The following UBR1 variants were observed in gnomAD, a reference collection of about 807,000 sequenced individuals.
UBR1 encodes E3 ubiquitin-protein ligase UBR1.
In UBR1, 102 loss-of-function variants were observed where a neutral mutation model predicts 242.1. The observed-to-expected ratio is 0.42, with a 90% confidence interval of 0.36 to 0.50. The LOEUF (loss-of-function observed/expected upper bound fraction) is 0.50. Ranked by LOEUF, UBR1 falls within the 20% of genes least tolerant of loss-of-function variation. The pLI, the probability that UBR1 is intolerant of heterozygous loss-of-function variation, is 0.01. For synonymous variants in UBR1, 675 were observed against 684.8 expected (o/e 0.99, Z 0.22); for missense variants, 1,772 against 2,101.8 (o/e 0.84, Z 3.07).
intron 1 of UBR1, among the ~76,000 whole-genome samples, chr15:43,088,887 C>T (rs1314820715): frequency 6.6e-6 from 1 of 151,918 alleles, no homozygotes; most frequent in Non-Finnish European, 1.5e-5. Context: ...GGCTGGTGCA[C>T]ATGGTGGCTC....
chr15:43,007,043 A>C (rs769998413), intron 30 of UBR1, 36 bp downstream of exon 30: 1 of 1,604,364 alleles, frequency 6.2e-7, no homozygotes, highest in Non-Finnish European at 8.5e-7. Flanking sequence ...GCATGAAAAG[A>C]AATGCACAAA....
intron 16 of UBR1, 137 bp downstream of exon 16, chr15:43,038,034 G>T: frequency 1.7e-6 from 2 of 1,204,526 alleles, no homozygotes; most frequent in Non-Finnish European, 2.4e-6. Flanking sequence ...AGATTACAAT[G>T]TACTATATGA....
At chr15:42,950,942 A>T (rs748104305) in intron 45 of UBR1, among the ~76,000 whole-genome samples, 1 of 152,254 alleles carries the variant, frequency 6.6e-6, no homozygotes, top group Non-Finnish European at 1.5e-5. Flanking sequence ...AGTACTTTAC[A>T]GATAAATTAT....
intron 5 of UBR1, among the ~76,000 whole-genome samples, chr15:43,068,430 G>A (rs1044161864): frequency 1.3e-5 from 2 of 151,832 alleles, no homozygotes; most frequent in African/African-American, 2.4e-5. Flanking sequence ...CAAGCAATCC[G>A]CCTGTTTTGA....
intron 46 of UBR1, among the ~76,000 whole-genome samples, chr15:42,946,741 A>G (rs1057432660): frequency 2.6e-5 from 4 of 152,220 alleles, no homozygotes; most frequent in Admixed American, 6.5e-5. Context: ...CCTCATTTTC[A>G]TAAGTCATCA....
In UBR1 at chr15:42,988,853, G is replaced by A. The variant is rs762775041; in HGVS notation, c.3963C>T (p.Thr1321=). The A allele has an allele frequency of 1.2e-6, 2 of 1,614,074 alleles. No homozygotes were observed. The highest frequency in any genetic ancestry group is 4.5e-5 in the East Asian group (2 of 44,892). Residue 1321 remains threonine, a synonymous_variant, in exon 35 of 47, where the codon ACC becomes ACT. Transcript: ENST00000290650. ...DERDPRVPML[T]WSTCAFTIQA... is the part of the protein sequence containing the mutation. ...GGATAGTGAAAGCGCAGGTGCTCCAGGTCAGCATGGGGACTCGAGGATCCC... is the reference window on the plus strand; with the variant it reads ...GGATAGTGAAAGCGCAGGTGCTCCAAGTCAGCATGGGGACTCGAGGATCCC...
chr15:42,978,623 T>C (rs2141268264), intron 37 of UBR1, among the ~76,000 whole-genome samples: 1 of 152,340 alleles, frequency 6.6e-6, no homozygotes, highest in African/African-American at 2.4e-5. Flanking sequence ...TAGGTATTGG[T>C]TCTGAACTCT....
chr15:42,988,265 A>ATG (rs1491285980), intron 35 of UBR1, among the ~76,000 whole-genome samples: 1 of 112,332 alleles, frequency 8.9e-6, no homozygotes, highest in African/African-American at 2.6e-5. Flanking sequence ...TACTAAAGGA[A>ATG]TATATGTGTG....
chr15:43,102,837 G>A (rs1239494407), intron 1 of UBR1, among the ~76,000 whole-genome samples: 2 of 151,752 alleles, frequency 1.3e-5, no homozygotes, highest in Admixed American at 1.3e-4. Flanking sequence ...CTTTTCCTCT[G>A]TGTGTGTGTA....
chr15:42,972,421 T>C lies in UBR1; in HGVS notation c.4370-1814A>G, dbSNP rs116640993. On this transcript the variant is annotated intron_variant, in intron 39 of 46. Coordinates refer to ENST00000290650, the MANE Select transcript of UBR1 (RefSeq NM_174916.3). ...TCTTGCTCTGTCACACAGACTGGAG[T>C]GTAGTGGTGCAGTCCTGGCTCACTG... 8.6e-3 allele frequency among the ~76,000 whole-genome samples: 1,304 copies of C among 152,174 alleles called. 18 individuals carry two copies. Among genetic ancestry groups the C allele is most frequent in the African/African-American group, 0.028 (1,181 of 41,522 alleles).
chr15:43,096,603 C>T (rs959729311), intron 1 of UBR1, among the ~76,000 whole-genome samples: 6 of 152,166 alleles, frequency 3.9e-5, no homozygotes, highest in Non-Finnish European at 7.4e-5. Context: ...GCCAACTCTG[C>T]GGCTGCTTTA....
intron 33 of UBR1, among the ~76,000 whole-genome samples, chr15:42,996,997 G>T (rs893669372): frequency 6.6e-6 from 1 of 152,172 alleles, no homozygotes; most frequent in African/African-American, 2.4e-5. Flanking sequence ...CAGGGCCATG[G>T]ACGAGTACCA....
At chr15:42,976,963 G>C (rs971211053) in intron 38 of UBR1, 96 bp from the exon 39 acceptor site, 1 of 1,276,426 alleles carries the variant, frequency 7.8e-7, no homozygotes, top group South Asian at 1.3e-5. Flanking sequence ...ATGCTACACA[G>C]TGTTTGTGTG....
intron 30 of UBR1, 62 bp downstream of exon 30, chr15:43,007,017 T>G (rs1228603033): frequency 6.6e-7 from 1 of 1,525,398 alleles, no homozygotes; most frequent in East Asian, 2.3e-5. Context: ...AAATAGTATT[T>G]TCTTTAATTA....
At chr15:43,092,839 A>G (rs2034119460) in intron 1 of UBR1, among the ~76,000 whole-genome samples, 1 of 152,226 alleles carries the variant, frequency 6.6e-6, no homozygotes, top group Admixed American at 6.5e-5. Flanking sequence ...GGCGTGAGCC[A>G]CCGCGCCCAG....
At position 43,090,421 on chromosome 15, in the gene UBR1, TTTAAAA is replaced by T. The variant is rs556173691; in HGVS notation, c.82-4187_82-4182del. On this transcript the variant is annotated intron_variant, in intron 1 of 46. Transcript: ENST00000290650. Reference sequence around the variant, plus strand: ...CATATTTTGGAAGTAATTTTATAATTTTAAAATTAAAATTTATTTTACTAATACCTT... The same window carrying T: ...CATATTTTGGAAGTAATTTTATAATTTTAAAATTTATTTTACTAATACCTT... Among the ~76,000 whole-genome samples the T allele has an allele frequency of 4.2e-3, 634 of 152,170 alleles. 10 individuals are homozygous for T. The highest frequency in any genetic ancestry group is 0.015 in the African/African-American group (605 of 41,528).
At position 43,043,096 on chromosome 15, in the gene UBR1, T is replaced by A. The variant is rs1417978756; in HGVS notation, c.1849+119A>T. On this transcript the variant is annotated intron_variant, in intron 15 of 46. Coordinates refer to ENST00000290650, the MANE Select transcript of UBR1 (RefSeq NM_174916.3). ...ACAGTGACAGCCCTTAACTGCAGTA[T>A]CTGACCTGAGCATGTCTGTACATAT... 3 of 1,126,090 alleles carry A rather than the reference T, an allele frequency of 2.7e-6. No homozygotes were observed. The African/African-American group carries it at 4.7e-5, about 17-fold the overall frequency. 69.8% of individuals were successfully genotyped at this position (1,126,090 alleles called of 1,614,324 possible).
chr15:43,030,913 T>C (rs2033248099), intron 20 of UBR1, among the ~76,000 whole-genome samples: 1 of 152,218 alleles, frequency 6.6e-6, no homozygotes, highest in African/African-American at 2.4e-5. Context: ...AACACATTCA[T>C]TCCTCTTTAC....
intron 20 of UBR1, among the ~76,000 whole-genome samples, chr15:43,031,501 A>G (rs1446482930): frequency 1.3e-5 from 2 of 152,186 alleles, no homozygotes; most frequent in Admixed American, 6.5e-5. Context: ...TCTAACTGGC[A>G]TATTCTGGAC....
Sources: gnomAD v4.1 joint callset for allele counts (sites outside exome capture counted in the v4.1 genomes callset) on GRCh38, gnomAD v4.1.1 for gene constraint, MANE v1.5 for transcripts, NCBI Gene and HGNC (gene_info 2026-07-23, HGNC 2026-07-21) for gene names.